The following OSBPL1A variants were observed in gnomAD, a reference collection of about 807,000 sequenced individuals.
The protein encoded by OSBPL1A is oxysterol binding protein like 1A.
A neutral mutation model predicts 137.1 loss-of-function variants in OSBPL1A; 80 were observed. The observed-to-expected ratio is 0.58, with a 90% CI of 0.49 to 0.70. OSBPL1A has a LOEUF of 0.70. Ranked by LOEUF, OSBPL1A falls within the 30% of genes least tolerant of loss-of-function variation. The probability of loss-of-function intolerance (pLI) is 0.00; values close to 1 mark genes in which losing one functional copy is unlikely to be tolerated. For synonymous variants in OSBPL1A, 365 were observed against 389.7 expected (o/e 0.94, Z 0.75); for missense variants, 970 against 1,129.4 (o/e 0.86, Z 2.02).
intron 22 of OSBPL1A, among the ~76,000 whole-genome samples, chr18:24,172,146 G>A (rs1328310811): frequency 6.6e-6 from 1 of 151,918 alleles, no homozygotes; most frequent in Non-Finnish European, 1.5e-5. Context: ...TCACCATCTT[G>A]GCCAGGCTGG....
Position 24,163,198 on chromosome 18 carries a change from T to TTGAAG in OSBPL1A, c.2829_2833dup (p.Asn945ThrfsTer22). 6.2e-7 allele frequency: 1 copy of TTGAAG among 1,610,724 alleles called. No homozygotes were observed. Among genetic ancestry groups the TTGAAG allele is most frequent in the Non-Finnish European group, 8.5e-7 (1 of 1,177,106 alleles). ...TGCATTTTAATAAATGTCAGGCAAA[T>TTGAAG]TGAAGTAATTTCTGTCCCAGTAGCT... On this transcript the variant is annotated frameshift_variant, in exon 28 of 28. Transcript: ENST00000319481. LOFTEE classifies it high-confidence loss of function.
At chr18:24,291,764 G>T (rs1478846228) in intron 14 of OSBPL1A, among the ~76,000 whole-genome samples, 1 of 107,624 alleles carries the variant, frequency 9.3e-6, no homozygotes, top group Non-Finnish European at 2.0e-5. Context: ...GGACTTGGGG[G>T]ACAGGGAAAA....
chr18:24,308,546 A>C (rs2090550849), intron 13 of OSBPL1A, among the ~76,000 whole-genome samples: 1 of 151,310 alleles, frequency 6.6e-6, no homozygotes, highest in South Asian at 2.1e-4. Flanking sequence ...TAACACAAAA[A>C]CAGTTCAGAT....
intron 7 of OSBPL1A, among the ~76,000 whole-genome samples, chr18:24,319,777 G>A (rs1314863724): frequency 6.6e-6 from 1 of 152,078 alleles, no homozygotes; most frequent in East Asian, 1.9e-4. Context: ...ATGAAAATTA[G>A]AACAGTCCTT....
chr18:24,346,859 C>A (rs2091354093), intron 4 of OSBPL1A, among the ~76,000 whole-genome samples: 1 of 151,922 alleles, frequency 6.6e-6, no homozygotes, highest in African/African-American at 2.4e-5. Context: ...CCAACCTCAG[C>A]CTCCCAAAGT....
intron 1 of OSBPL1A, among the ~76,000 whole-genome samples, chr18:24,395,762 C>T (rs1418850184): frequency 6.6e-6 from 1 of 151,840 alleles, no homozygotes; most frequent in Non-Finnish European, 1.5e-5. Context: ...GCTGGAATTA[C>T]AGGCGCCCAC....
intron 12 of OSBPL1A, 23 bp from the exon 13 acceptor site, chr18:24,312,129 A>G (rs754121113): frequency 1.2e-6 from 2 of 1,611,838 alleles, no homozygotes; most frequent in Non-Finnish European, 1.7e-6. Context: ...AAGAATTTAA[A>G]TGAGAGTGAA....
chr18:24,199,152 C>A (rs987281717), intron 17 of OSBPL1A, among the ~76,000 whole-genome samples: 2 of 152,136 alleles, frequency 1.3e-5, no homozygotes, highest in Non-Finnish European at 2.9e-5. Context: ...AGCCACCACA[C>A]CTGGCCCAGG....
At chr18:24,296,167 T>A (rs1175404039) in intron 14 of OSBPL1A, among the ~76,000 whole-genome samples, 1 of 152,224 alleles carries the variant, frequency 6.6e-6, no homozygotes, top group Non-Finnish European at 1.5e-5. Flanking sequence ...ATTTGTGTCA[T>A]CTATGATTTC....
At chr18:24,178,683 T>C (rs532710574) in intron 20 of OSBPL1A, among the ~76,000 whole-genome samples, 64 of 152,332 alleles carry the variant, frequency 4.2e-4, no homozygotes, top group Middle Eastern at 3.4e-3. Flanking sequence ...GTTGTAATGC[T>C]AGCTACTTGA....
At chr18:24,223,591 T>A (rs1198438452) in intron 17 of OSBPL1A, among the ~76,000 whole-genome samples, 1 of 152,154 alleles carries the variant, frequency 6.6e-6, no homozygotes, top group Non-Finnish European at 1.5e-5. Flanking sequence ...CATCTTAACT[T>A]TCACATTTGT....
intron 15 of OSBPL1A, among the ~76,000 whole-genome samples, chr18:24,256,163 CA>C (rs1415002816): frequency 6.6e-6 from 1 of 152,096 alleles, no homozygotes; most frequent in African/African-American, 2.4e-5. Flanking sequence ...AAACCAAAGA[CA>C]CATCACAAAA....
intron 24 of OSBPL1A, 63 bp from the exon 25 acceptor site, chr18:24,167,508 C>T (rs76435246): frequency 0.03 from 39,130 of 1,306,622 alleles, 2,978 homozygotes; most frequent in African/African-American, 0.27. Context: ...TCAAGCACCA[C>T]ATAATGACAT....
At chr18:24,188,047 C>T (rs1397163280) in intron 18 of OSBPL1A, among the ~76,000 whole-genome samples, 2 of 152,186 alleles carry the variant, frequency 1.3e-5, no homozygotes, top group African/African-American at 4.8e-5. Flanking sequence ...AAAGGAAGAG[C>T]TTTACCTGTA....
At chr18:24,338,777 A>C (rs2091224618) in intron 5 of OSBPL1A, among the ~76,000 whole-genome samples, 1 of 152,128 alleles carries the variant, frequency 6.6e-6, no homozygotes, top group South Asian at 2.1e-4. Flanking sequence ...ACACTGGCAC[A>C]ATCTCGGCTC....
rs548047603 is a variant in OSBPL1A at position 24,396,126 on chromosome 18, G to A, written c.-3+1529C>T. Among the ~76,000 whole-genome samples, 14 of 151,632 alleles carry A rather than the reference G, an allele frequency of 9.2e-5. No homozygotes were observed. The South Asian group carries it at 1.5e-3, about 16-fold the overall frequency. ...CCCAGCTACTTGGGAGGCTGAGACC[G>A]GAGAATTGCTTCAACCCGGGAGGCA... On this transcript the variant is annotated intron_variant, in intron 1 of 27. Transcript: ENST00000319481.
intron 7 of OSBPL1A, among the ~76,000 whole-genome samples, chr18:24,329,572 A>G (rs1170713178): frequency 6.6e-6 from 1 of 151,544 alleles, no homozygotes; most frequent in African/African-American, 2.4e-5. Flanking sequence ...AAAGAACAGT[A>G]TGATCTGCTA....
At chr18:24,371,031 T>C (rs1260810761) in intron 2 of OSBPL1A, among the ~76,000 whole-genome samples, 1 of 152,172 alleles carries the variant, frequency 6.6e-6, no homozygotes, top group Non-Finnish European at 1.5e-5. Context: ...ATTCAGTGTC[T>C]ATTCTTTAAT....
intron 1 of OSBPL1A, among the ~76,000 whole-genome samples, chr18:24,386,918 T>C (rs1028681912): frequency 4.6e-5 from 7 of 152,014 alleles, no homozygotes; most frequent in African/African-American, 9.7e-5. Context: ...GATTACACCA[T>C]TGCACTCCGG....
Sources: allele counts gnomAD v4.1 joint callset (sites outside exome capture counted in the v4.1 genomes callset), GRCh38; gene constraint gnomAD v4.1.1; transcripts MANE v1.5; gene names NCBI Gene and HGNC (gene_info 2026-07-23, HGNC 2026-07-21).